Variants in LEPR observed in about 807,000 individuals in gnomAD.
The protein encoded by LEPR is leptin receptor.
In LEPR, 56 loss-of-function variants were observed where a neutral mutation model predicts 114.7. The observed-to-expected ratio is 0.49, with a 90% confidence interval of 0.39 to 0.61. LEPR has a LOEUF of 0.61. Ranked by LOEUF, LEPR falls within the 20% of genes least tolerant of loss-of-function variation. LEPR has a pLI of 0.00. For missense variants in LEPR, 1,202 were observed against 1,352.9 expected (o/e 0.89, Z 1.75); for synonymous variants, 443 against 461.4 (o/e 0.96, Z 0.51).
chr1:65,523,848 C>T (rs888281230), intron 2 of LEPR, among the ~76,000 whole-genome samples: 7 of 152,134 alleles, frequency 4.6e-5, no homozygotes, highest in Non-Finnish European at 1.0e-4. Flanking sequence ...GATGTAACTA[C>T]GTTAAGAATC....
intron 2 of LEPR, chr1:65,432,539 T>C (rs1570437479): frequency 1.2e-6 from 1 of 823,024 alleles, no homozygotes; most frequent in East Asian, 1.2e-4. Context: ...CCACTTAACC[T>C]CTCTGGGTGT....
intron 2 of LEPR, among the ~76,000 whole-genome samples, chr1:65,557,737 T>A (rs572030874): frequency 6.6e-6 from 1 of 152,326 alleles, no homozygotes; most frequent in Admixed American, 6.5e-5. Context: ...CTGTATTATT[T>A]GTGTTTTAAA....
intron 5 of LEPR, among the ~76,000 whole-genome samples, chr1:65,587,016 C>T (rs79396361): frequency 3.3e-5 from 5 of 151,672 alleles, no homozygotes; most frequent in African/African-American, 9.7e-5. Context: ...TAAATTCGCC[C>T]TTTTTTACAA....
At chr1:65,431,940 G>A in intron 2 of LEPR, 1 of 1,606,932 alleles carries the variant, frequency 6.2e-7, no homozygotes, top group Non-Finnish European at 8.5e-7. Flanking sequence ...TGATTACAGT[G>A]CATTGAATTT....
intron 14 of LEPR, among the ~76,000 whole-genome samples, chr1:65,610,729 A>G (rs1333597611): frequency 6.6e-6 from 1 of 152,226 alleles, no homozygotes; most frequent in Non-Finnish European, 1.5e-5. Context: ...ATGTGATGGC[A>G]TAAAAACAGT....
chr1:65,522,838 G>GTT (rs34483675), intron 2 of LEPR, among the ~76,000 whole-genome samples: 2 of 147,420 alleles, frequency 1.4e-5, no homozygotes, highest in Non-Finnish European at 1.5e-5. Flanking sequence ...TCCTTTTAGG[G>GTT]TTTTTTTTTT....
In LEPR at chr1:65,616,180, C is replaced by T; in HGVS notation, c.2168C>T (p.Ser723Phe). 1 of 1,614,070 alleles carries T rather than the reference C, an allele frequency of 6.2e-7. No homozygotes were observed. Among genetic ancestry groups the T allele is most frequent in the Non-Finnish European group, 8.5e-7 (1 of 1,179,958 alleles). The change falls in exon 15 of 20, where the codon TCT (serine) becomes TTT (phenylalanine). Residue 723 changes from serine to phenylalanine, a missense_variant. Ser to Phe is a radical substitution (Grantham distance 155). Transcript: ENST00000349533. ...CTGGCCATCAATTCAATTGGTGCTT[C>T]TGTTGCAAATTTTAATTTAACCTTT... ...TVLAINSIGA[S>F]VANFNLTFSW...
chr1:65,612,647 A>T (rs186587853), intron 14 of LEPR, among the ~76,000 whole-genome samples: 13 of 145,832 alleles, frequency 8.9e-5, no homozygotes, highest in Non-Finnish European at 1.6e-4. Context: ...ATACCTCCTT[A>T]TGCTTCTCTT....
At chr1:65,422,282 C>T (rs146912105) in intron 1 of LEPR, among the ~76,000 whole-genome samples, 27 of 152,208 alleles carry the variant, frequency 1.8e-4, no homozygotes, top group African/African-American at 6.0e-4. Flanking sequence ...CATGGGAAGA[C>T]GGAGACAGAA....
At chr1:65,553,467 T>C (rs1390935291) in intron 2 of LEPR, among the ~76,000 whole-genome samples, 2 of 152,132 alleles carry the variant, frequency 1.3e-5, no homozygotes, top group Non-Finnish European at 2.9e-5. Flanking sequence ...ATTAAGTTGA[T>C]CTTCAATCTC....
chr1:65,472,615 GAC>G (rs77182938), intron 2 of LEPR, among the ~76,000 whole-genome samples: 2,633 of 137,008 alleles, frequency 0.019, 25 homozygotes, highest in African/African-American at 0.034. Context: ...TATATATATA[GAC>G]ACACACACAC....
chr1:65,426,235 A>AAAATCAGCAAGCAGGC (rs1557581615), intron 2 of LEPR, among the ~76,000 whole-genome samples: 23 of 152,116 alleles, frequency 1.5e-4, no homozygotes, highest in African/African-American at 5.1e-4. Flanking sequence ...AGGCCCGGAG[A>AAAATCAGCAAGCAGGC]CATGAAAGTG....
rs545881494 is a variant in LEPR, at chr1:65,452,944, C to G, written c.-21+27566C>G. ...TTGGTTGGTAAGCTATTGATTGTTGCCACAATTTCAGATCCTGTTATTGGT... is the reference window on the plus strand; with the variant it reads ...TTGGTTGGTAAGCTATTGATTGTTGGCACAATTTCAGATCCTGTTATTGGT... On this transcript the variant is annotated intron_variant, in intron 2 of 19. Coordinates refer to ENST00000349533, the MANE Select transcript of LEPR (RefSeq NM_002303.6). Among the ~76,000 whole-genome samples the G allele has an allele frequency of 2.0e-5, 3 of 152,294 alleles. No individual in the cohort carries two copies. In the East Asian group the frequency reaches 5.8e-4, roughly 29 times the overall value.
chr1:65,420,752 TC>T lies in LEPR; in HGVS notation c.-97+16del. Reference sequence around the variant, plus strand: ...GGCGGGCGTTAAAGGTACATCGCGGTCCCCGGCTCGCTTGTCGTGTGGTGGG... The same window carrying T: ...GGCGGGCGTTAAAGGTACATCGCGGTCCCGGCTCGCTTGTCGTGTGGTGGG... On this transcript the variant is annotated intron_variant, in intron 1 of 19. Coordinates refer to ENST00000349533, the MANE Select transcript of LEPR (RefSeq NM_002303.6). 8 of 1,579,014 alleles carry T rather than the reference TC, an allele frequency of 5.1e-6. No homozygotes were observed. The highest frequency in any genetic ancestry group is 6.9e-6 in the Non-Finnish European group (8 of 1,164,510).
intron 2 of LEPR, among the ~76,000 whole-genome samples, chr1:65,460,603 G>T (rs1424810206): frequency 6.6e-6 from 1 of 152,196 alleles, no homozygotes; most frequent in South Asian, 2.1e-4. Flanking sequence ...CTTCAAGAGG[G>T]GCCATGCGCG....
At chr1:65,550,699 G>A (rs1248835935) in intron 2 of LEPR, among the ~76,000 whole-genome samples, 9 of 152,166 alleles carry the variant, frequency 5.9e-5, no homozygotes, top group Middle Eastern at 3.2e-3. Context: ...GGAGTGACCC[G>A]ATTTTCCAGG....
chr1:65,426,173 A>G (rs369762127), intron 2 of LEPR, among the ~76,000 whole-genome samples: 1 of 152,206 alleles, frequency 6.6e-6, no homozygotes, highest in Non-Finnish European at 1.5e-5. Context: ...CAAGCAGGCC[A>G]TACAGATCTC....
At chr1:65,504,002 A>T (rs1404733471) in intron 2 of LEPR, among the ~76,000 whole-genome samples, 1 of 152,174 alleles carries the variant, frequency 6.6e-6, no homozygotes, top group Non-Finnish European at 1.5e-5. Flanking sequence ...GTTTCTTAAA[A>T]GAAAGAAGTA....
chr1:65,490,908 G>A (rs941152523), intron 2 of LEPR, among the ~76,000 whole-genome samples: 11 of 151,992 alleles, frequency 7.2e-5, no homozygotes, highest in Non-Finnish European at 1.2e-4. Flanking sequence ...TGACTATATC[G>A]ATGATTTCAG....
Sources: gnomAD v4.1 joint callset for allele counts (sites outside exome capture counted in the v4.1 genomes callset) on GRCh38, gnomAD v4.1.1 for gene constraint, MANE v1.5 for transcripts, NCBI Gene and HGNC (gene_info 2026-07-23, HGNC 2026-07-21) for gene names.